PCNX2: variants seen among roughly 807,000 people sequenced by gnomAD.
The protein encoded by PCNX2 is pecanex 2.
In PCNX2, 168 loss-of-function variants were observed where a neutral mutation model predicts 223.8. The ratio of observed to expected loss-of-function variants is 0.75; its 90% confidence interval spans 0.66 to 0.85. The LOEUF is 0.85. Among genes scored for constraint, PCNX2 ranks in the 40% least tolerant of loss-of-function variants. PCNX2 has a pLI of 0.00. For missense variants in PCNX2, 2,507 were observed against 2,675.5 expected (o/e 0.94, Z 1.39); for synonymous variants, 1,006 against 1,052.6 (o/e 0.96, Z 0.86).
the PCNX2 span, among the ~76,000 whole-genome samples, chr1:233,303,507 C>G: frequency 6.6e-6 from 1 of 152,036 alleles, no homozygotes; most frequent in Non-Finnish European, 1.5e-5. Flanking sequence ...AAAGTGGGAC[C>G]CTGTCTCAAA....
chr1:233,269,741 C>T lies in PCNX2; in HGVS notation c.154-6578G>A, dbSNP rs1004457897. Among the ~76,000 whole-genome samples the T allele has an allele frequency of 7.9e-5, 12 of 152,166 alleles. No homozygotes were observed. The South Asian group carries it at 2.5e-3, about 32-fold the overall frequency. On this transcript the variant is annotated intron_variant, in intron 1 of 33. Coordinates refer to ENST00000258229, the MANE Select transcript of PCNX2 (RefSeq NM_014801.4). ...ATTAATCTGCCAAACATAACACTCA[C>T]ACTCAAGTTTGACATTTATATGCCC... is the stretch of plus-strand genomic sequence containing the variant.
chr1:233,267,334 C>CA (rs910624332), intron 1 of PCNX2, among the ~76,000 whole-genome samples: 5 of 150,930 alleles, frequency 3.3e-5, no homozygotes, highest in East Asian at 1.9e-4. Flanking sequence ...AAAAAACAAA[C>CA]AAAAAAAAAC....
the PCNX2 span, among the ~76,000 whole-genome samples, chr1:233,308,901 T>C: frequency 2.6e-5 from 4 of 152,248 alleles, no homozygotes; most frequent in Non-Finnish European, 5.9e-5. Context: ...GTTGGTAATA[T>C]CTATAAGTGT....
intron 25 of PCNX2, among the ~76,000 whole-genome samples, chr1:233,053,262 G>A (rs929502615): frequency 3.9e-5 from 6 of 151,942 alleles, no homozygotes; most frequent in Admixed American, 3.3e-4. Flanking sequence ...AGTCCTCCCA[G>A]ATGCCAGGAG....
the PCNX2 span, among the ~76,000 whole-genome samples, chr1:233,303,228 G>A: frequency 1.3e-5 from 2 of 152,086 alleles, no homozygotes; most frequent in Admixed American, 6.6e-5. Flanking sequence ...AACTAAGTGA[G>A]AAATCAAAGA....
At position 233,001,489 on chromosome 1, in the gene PCNX2, T is replaced by TAAAA; in HGVS notation, c.5097+47_5097+48insTTTT. 1 of 1,012,490 alleles carries TAAAA rather than the reference T, an allele frequency of 9.9e-7. No homozygotes were observed. The allele number at this position is 1,012,490 out of a possible 1,614,324, so 62.7% of individuals were successfully genotyped here. A position where few individuals can be genotyped will look rare whatever the true frequency, so the allele number is the denominator to read the frequency against. ...AGCGAAACTCCATCTCATAAATAAA[T>TAAAA]AAATAAATAAATAAATAAATAAATA... On this transcript the variant is annotated intron_variant, in intron 29 of 33. Transcript: ENST00000258229. This position sits in a 1 kb window ranked among gnomAD's most constrained non-coding sequence, Gnocchi z 4.2.
chr1:233,298,454 T>C (rs1662206664), upstream of PCNX2, among the ~76,000 whole-genome samples: 1 of 152,162 alleles, frequency 6.6e-6, no homozygotes, highest in Non-Finnish European at 1.5e-5. Flanking sequence ...AAAGATTGAA[T>C]GTGTAGTGAA....
chr1:233,152,903 G>C (rs996054169), intron 19 of PCNX2, among the ~76,000 whole-genome samples: 1 of 151,726 alleles, frequency 6.6e-6, no homozygotes, highest in East Asian at 1.9e-4. Flanking sequence ...TTTAATGTAG[G>C]AATTCCCAAT....
At chr1:233,098,604 T>C (rs949364170) in intron 21 of PCNX2, among the ~76,000 whole-genome samples, 2 of 152,194 alleles carry the variant, frequency 1.3e-5, no homozygotes, top group African/African-American at 2.4e-5. Flanking sequence ...TCCACTGTTC[T>C]CAATCATTGA....
chr1:233,141,733 G>A lies in PCNX2; in HGVS notation c.3518-1878C>T, dbSNP rs533152273. ...TATATATATCTGTGTGTGTAAATGT[G>A]TATATATATATATGGGTATATATGT... is the stretch of plus-strand genomic sequence containing the variant. On this transcript the variant is annotated intron_variant, in intron 19 of 33. Coordinates refer to ENST00000258229, the MANE Select transcript of PCNX2 (RefSeq NM_014801.4). 2.0e-5 allele frequency among the ~76,000 whole-genome samples: 3 copies of A among 151,042 alleles called. No homozygotes were observed. The East Asian group carries it at 5.8e-4, about 29-fold the overall frequency.
At chr1:233,123,238 T>TA (rs1419391825) in intron 21 of PCNX2, among the ~76,000 whole-genome samples, 1 of 152,200 alleles carries the variant, frequency 6.6e-6, no homozygotes, top group Non-Finnish European at 1.5e-5. Flanking sequence ...TTCTCTATAC[T>TA]ATCTTCATGT....
chr1:233,095,088 T>C (rs897026391), intron 22 of PCNX2, among the ~76,000 whole-genome samples: 8 of 152,184 alleles, frequency 5.3e-5, no homozygotes, highest in Non-Finnish European at 1.2e-4. Context: ...GCAATTTCTC[T>C]CTCCGCTTCC....
chr1:233,278,704 C>T (rs1017939480), intron 1 of PCNX2, among the ~76,000 whole-genome samples: 1 of 152,168 alleles, frequency 6.6e-6, no homozygotes, highest in Non-Finnish European at 1.5e-5. Flanking sequence ...CACTTGCCCT[C>T]CACTCTGTCC....
At chr1:233,114,664 A>T (rs993134061) in intron 21 of PCNX2, among the ~76,000 whole-genome samples, 4 of 152,236 alleles carry the variant, frequency 2.6e-5, no homozygotes, top group African/African-American at 9.6e-5. Flanking sequence ...GATCACTGAT[A>T]TTGCAGCGGT....
rs959096399 is a variant in PCNX2 at position 233,135,191 on chromosome 1, C to T, written c.3660-1G>A. The T allele has an allele frequency of 1.9e-6, 3 of 1,612,012 alleles. No homozygotes were observed. Among genetic ancestry groups the T allele is most frequent in the Non-Finnish European group, 2.5e-6 (3 of 1,179,184 alleles). On this transcript the variant is annotated splice_acceptor_variant, in intron 20 of 33. Coordinates refer to ENST00000258229, the MANE Select transcript of PCNX2 (RefSeq NM_014801.4). LOFTEE classifies it high-confidence loss of function. ...AATGATCATCAGAAAAATGTCCCAGCTGTTGGAAACAAAAGAAAAGATGCA... is the reference window on the plus strand; with the variant it reads ...AATGATCATCAGAAAAATGTCCCAGTTGTTGGAAACAAAAGAAAAGATGCA...
upstream of PCNX2, among the ~76,000 whole-genome samples, chr1:233,298,082 G>A (rs1345881388): frequency 6.6e-6 from 1 of 152,098 alleles, no homozygotes; most frequent in Non-Finnish European, 1.5e-5. Flanking sequence ...AAGCTTAGGG[G>A]AGGTTTCTGA....
intron 25 of PCNX2, among the ~76,000 whole-genome samples, chr1:233,031,448 C>G (rs1313875542): frequency 6.6e-6 from 1 of 152,238 alleles, no homozygotes; most frequent in African/African-American, 2.4e-5. Context: ...TCTGTCTGAA[C>G]AGGCACCAAT....
chr1:233,250,453 A>T, intron 8 of PCNX2: 1 of 707,108 alleles, frequency 1.4e-6, no homozygotes, highest in East Asian at 1.3e-4. Flanking sequence ...CTGTATCACC[A>T]TCTTTCTTGA....
chr1:233,250,643 C>T, intron 8 of PCNX2, 96 bp downstream of exon 8: 1 of 1,436,830 alleles, frequency 7.0e-7, no homozygotes, highest in South Asian at 1.6e-5. Context: ...AAGGGATTAA[C>T]ACATTTCTTC....
Sources: gnomAD v4.1 joint callset for allele counts (sites outside exome capture counted in the v4.1 genomes callset) on GRCh38, gnomAD v4.1.1 for gene constraint, Gnocchi (gnomAD v3.1) non-coding constraint, MANE v1.5 for transcripts, NCBI Gene and HGNC (gene_info 2026-07-23, HGNC 2026-07-21) for gene names.